The following TMEM200A variants were observed in gnomAD, a reference collection of about 807,000 sequenced individuals.
TMEM200A encodes the protein two transmembrane C.
In TMEM200A, 12 loss-of-function variants were observed where a neutral mutation model predicts 24.3. The ratio of observed to expected loss-of-function variants is 0.49; its 90% CI spans 0.32 to 0.80. TMEM200A has a LOEUF of 0.80. TMEM200A is among the 30% of genes least tolerant of loss of function. The probability of loss-of-function intolerance (pLI) is 0.04; values close to 1 mark genes in which losing one functional copy is unlikely to be tolerated. For synonymous variants in TMEM200A, 224 were observed against 224.4 expected (o/e 1.00, Z 0.02); for missense variants, 545 against 614.4 (o/e 0.89, Z 1.19).
intron 2 of TMEM200A, 107 bp from the exon 3 acceptor site, chr6:130,440,300 C>T (rs1780124022): frequency 3.3e-6 from 4 of 1,200,642 alleles, no homozygotes; most frequent in Non-Finnish European, 4.4e-6. Context: ...TCACATGAAA[C>T]TGCAACAGCA....
At chr6:130,367,568 C>G (rs1000690862) in intron 1 of TMEM200A, among the ~76,000 whole-genome samples, 1 of 152,142 alleles carries the variant, frequency 6.6e-6, no homozygotes, top group Admixed American at 6.5e-5. Flanking sequence ...GCTACTGATA[C>G]TAGAAAGCAT....
At chr6:130,383,146 T>C in intron 1 of TMEM200A, 1 of 788,396 alleles carries the variant, frequency 1.3e-6, no homozygotes, top group Non-Finnish European at 1.5e-6. Flanking sequence ...GATTCATTAG[T>C]TGTCCGTAGC....
chr6:130,435,229 C>T (rs1428831278), intron 2 of TMEM200A, among the ~76,000 whole-genome samples: 2 of 152,046 alleles, frequency 1.3e-5, no homozygotes, highest in Non-Finnish European at 2.9e-5. Flanking sequence ...AAGCAATTCA[C>T]CCGCCTTGGC....
At chr6:130,399,240 T>C (rs1458041922) in intron 2 of TMEM200A, among the ~76,000 whole-genome samples, 1 of 152,090 alleles carries the variant, frequency 6.6e-6, no homozygotes, top group Non-Finnish European at 1.5e-5. Context: ...TTTTACTTCA[T>C]TGTAAGTAAG....
chr6:130,415,313 T>A (rs1779424229), intron 2 of TMEM200A, among the ~76,000 whole-genome samples: 1 of 152,080 alleles, frequency 6.6e-6, no homozygotes, highest in Non-Finnish European at 1.5e-5. Context: ...GACTGGGGGA[T>A]TTGGGAGAAT....
chr6:130,424,636 A>T (rs1011554632), intron 2 of TMEM200A, among the ~76,000 whole-genome samples: 1 of 152,158 alleles, frequency 6.6e-6, no homozygotes, highest in African/African-American at 2.4e-5. Flanking sequence ...TTCAATTTGA[A>T]TGAGTCCTGA....
chr6:130,395,287 T>C (rs1442445237), intron 2 of TMEM200A, among the ~76,000 whole-genome samples: 4 of 152,204 alleles, frequency 2.6e-5, no homozygotes, highest in Non-Finnish European at 5.9e-5. Flanking sequence ...TCAGTAGTTT[T>C]TCCCTTTCCC....
At chr6:130,430,207 T>C (rs117296209) in intron 2 of TMEM200A, among the ~76,000 whole-genome samples, 2,778 of 152,226 alleles carry the variant, frequency 0.018, 23 homozygotes, top group Non-Finnish European at 0.027. Context: ...AATACTGTCT[T>C]CTTACTGTGT....
Position 130,366,440 on chromosome 6 carries a change from C to G in TMEM200A, c.-165C>G. ...TTCTTCGTCCGCCTCCAGAGGCGCCCGACGTCCCGACAGCTCCTGGAGTGA... is the reference window on the plus strand; with the variant it reads ...TTCTTCGTCCGCCTCCAGAGGCGCCGGACGTCCCGACAGCTCCTGGAGTGA... On this transcript the variant is annotated 5_prime_UTR_variant, in exon 1 of 3. Coordinates refer to ENST00000296978, the MANE Select transcript of TMEM200A (RefSeq NM_001258277.2). This position sits in a 1 kb window ranked among gnomAD's most constrained non-coding sequence, Gnocchi z 4.4. 9 of 985,564 alleles carry G rather than the reference C, an allele frequency of 9.1e-6. No homozygotes were observed. The highest frequency in any genetic ancestry group is 1.1e-5 in the Non-Finnish European group (9 of 830,050). The allele number at this position is 985,564 out of a possible 1,614,324, so 61.1% of individuals were successfully genotyped here. A position where few individuals can be genotyped will look rare whatever the true frequency, so the allele number is the denominator to read the frequency against.
At chr6:130,367,541 C>T (rs753884757) in intron 1 of TMEM200A, among the ~76,000 whole-genome samples, 7 of 152,092 alleles carry the variant, frequency 4.6e-5, no homozygotes, top group African/African-American at 7.2e-5. Context: ...ATAAAAAGAC[C>T]TTCAATTTGT....
intron 2 of TMEM200A, among the ~76,000 whole-genome samples, chr6:130,391,804 A>G (rs1223460039): frequency 1.5e-5 from 2 of 129,212 alleles, no homozygotes; most frequent in East Asian, 4.6e-4. Flanking sequence ...GTGCAGTGGC[A>G]CGATCTCGGC....
chr6:130,382,683 T>A (rs1047904167), intron 1 of TMEM200A, among the ~76,000 whole-genome samples: 1 of 152,216 alleles, frequency 6.6e-6, no homozygotes, highest in Admixed American at 6.5e-5. Flanking sequence ...TGAAAGATTT[T>A]TTTTTCCTTT....
chr6:130,441,767 G>C lies in TMEM200A; in HGVS notation c.1345G>C (p.Ala449Pro), dbSNP rs375135807. Residue 449 changes from alanine (A) to proline (P), a missense_variant, in exon 3 of 3, where the codon GCC becomes CCC. Coordinates refer to ENST00000296978, the MANE Select transcript of TMEM200A (RefSeq NM_001258277.2). ...PMDRLLVPQVAIKKDFTNKEK... is the reference protein window; with the variant it reads ...PMDRLLVPQVPIKKDFTNKEK... ...GGATAGGTTGCTTGTGCCCCAAGTT[G>C]CCATCAAAAAGGACTTTACCAATAA... 6.2e-7 allele frequency: 1 copy of C among 1,613,886 alleles called. No homozygotes were observed. Among genetic ancestry groups the C allele is most frequent in the African/African-American group, 1.3e-5 (1 of 74,910 alleles).
chr6:130,408,303 T>C (rs188818867), intron 2 of TMEM200A, among the ~76,000 whole-genome samples: 73 of 152,222 alleles, frequency 4.8e-4, no homozygotes, highest in Non-Finnish European at 9.4e-4. Context: ...TTCCCAGATA[T>C]TTTCCTCCAA....
chr6:130,418,922 T>C (rs1779517100), intron 2 of TMEM200A, among the ~76,000 whole-genome samples: 1 of 152,154 alleles, frequency 6.6e-6, no homozygotes, highest in Admixed American at 6.6e-5. Flanking sequence ...TGGGAACATA[T>C]CGAGTCCTCT....
At chr6:130,404,074 T>C (rs140753901) in intron 2 of TMEM200A, among the ~76,000 whole-genome samples, 138 of 152,322 alleles carry the variant, frequency 9.1e-4, no homozygotes, top group Non-Finnish European at 1.6e-3. Context: ...CAGTCTATCA[T>C]TGATGGGCAT....
At position 130,440,588 on chromosome 6, in the gene TMEM200A, C is replaced by T. The variant is rs1422589435; in HGVS notation, c.166C>T (p.Arg56Trp). Residue 56 changes from arginine to tryptophan, a missense_variant, in exon 3 of 3, where the codon CGG (arginine) becomes TGG (tryptophan). Physicochemically the swap from Arg to Trp is moderately radical, Grantham distance 101 (BLOSUM62 -3). Transcript: ENST00000296978. The part of the protein sequence containing the change: ...ADVVVVRGKI[R>W]LYSPSGFFLI... Reference sequence around the variant, plus strand: ...TGTTGTGGTTGTTCGTGGCAAAATCCGGCTTTATTCCCCATCTGGTTTTTT... The same window carrying T: ...TGTTGTGGTTGTTCGTGGCAAAATCTGGCTTTATTCCCCATCTGGTTTTTT... 3.1e-6 allele frequency: 5 copies of T among 1,613,968 alleles called. No individual in the cohort carries two copies. Among genetic ancestry groups the T allele is most frequent in the South Asian group, 1.1e-5 (1 of 91,084 alleles).
At chr6:130,399,723 T>C (rs1452325287) in intron 2 of TMEM200A, among the ~76,000 whole-genome samples, 2 of 151,636 alleles carry the variant, frequency 1.3e-5, no homozygotes, top group South Asian at 2.1e-4. Context: ...GTACAGGTGG[T>C]ATTTGATTAC....
Position 130,440,510 on chromosome 6 carries a change from C to T in TMEM200A, c.88C>T (p.Pro30Ser). The change falls in exon 3 of 3, where the codon CCG becomes TCG. Residue 30 changes from proline to serine, a missense_variant. By Grantham distance (74) the Pro-to-Ser change is moderately conservative. Coordinates refer to ENST00000296978, the MANE Select transcript of TMEM200A (RefSeq NM_001258277.2). Reference sequence around the variant, plus strand: ...ATCACAGCAGCATGTCAACCTCAGCCCGTCTCCTGCTACCCAAGAGAAGAA... The same window carrying T: ...ATCACAGCAGCATGTCAACCTCAGCTCGTCTCCTGCTACCCAAGAGAAGAA... ...ARSQQHVNLS[P>S]SPATQEKKPI... 1 of 1,614,072 alleles carries T rather than the reference C, an allele frequency of 6.2e-7. No homozygotes were observed. Among genetic ancestry groups the T allele is most frequent in the Non-Finnish European group, 8.5e-7 (1 of 1,179,954 alleles).
Sources: allele counts gnomAD v4.1 joint callset (sites outside exome capture counted in the v4.1 genomes callset), GRCh38; gene constraint gnomAD v4.1.1; non-coding constraint Gnocchi (gnomAD v3.1); transcripts MANE v1.5; gene names NCBI Gene and HGNC (gene_info 2026-07-23, HGNC 2026-07-21).